B4GALT7: variants seen among roughly 807,000 people sequenced by gnomAD.
The protein encoded by B4GALT7 is UDP-Gal:beta-GlcNAc beta-1,4-galactosyltransferase 7.
B4GALT7 carries 30 observed loss-of-function variants against 33.0 expected under a neutral mutation model. The observed-to-expected ratio is 0.91, with a 90% CI of 0.68 to 1.23. The LOEUF (loss-of-function observed/expected upper bound fraction) is 1.23. Ranked by LOEUF, B4GALT7 falls within the 50% of genes most tolerant of loss-of-function variation. The pLI is 0.00. For synonymous variants in B4GALT7, 213 were observed against 187.2 expected, an observed-to-expected ratio of 1.14 and a Z score of -1.13; for missense variants, 507 against 450.8, an observed-to-expected ratio of 1.12 and a Z score of -1.13.
chr5:177,605,611 G>A (rs1454426453), intron 2 of B4GALT7, among the ~76,000 whole-genome samples: 2 of 152,132 alleles, frequency 1.3e-5, no homozygotes, highest in South Asian at 4.1e-4. Flanking sequence ...TTCTGTCCGG[G>A]CTGACTCCCA....
Position 177,609,673 on chromosome 5 carries a change from C to T in B4GALT7, c.962C>T (p.Thr321Ile), listed in dbSNP as rs773712777. Residue 321 changes from threonine to isoleucine, a missense_variant, in exon 6 of 6, where the codon ACA (threonine) becomes ATA (isoleucine). Physicochemically the swap from Thr to Ile is moderately conservative, Grantham distance 89 (BLOSUM62 -1). Transcript: ENST00000029410. The stretch of plus-strand genomic sequence containing the variant: ...ATGTTGGACTGTGACAAGACCGCCA[C>T]ACCCTGGTGCACATTCAGCTGAGCT... ...NIMLDCDKTATPWCTFS is the reference protein window; with the variant it reads ...NIMLDCDKTAIPWCTFS 1 of 1,612,510 alleles carries T rather than the reference C, an allele frequency of 6.2e-7. No individual in the cohort carries two copies.
intron 1 of B4GALT7, among the ~76,000 whole-genome samples, chr5:177,601,833 A>T (rs927598872): frequency 1.3e-5 from 2 of 152,008 alleles, no homozygotes; most frequent in Non-Finnish European, 2.9e-5. Flanking sequence ...CTCGGTGTCC[A>T]CTGTCCTGAG....
At chr5:177,607,738 G>A in intron 3 of B4GALT7, 1 of 606,538 alleles carries the variant, frequency 1.6e-6, no homozygotes, top group Non-Finnish European at 2.9e-6. Context: ...AGAAACCTGG[G>A]TGGTTAGTGG....
chr5:177,609,796 G>A lies in B4GALT7; in HGVS notation c.*101G>A. 1.4e-6 allele frequency: 2 copies of A among 1,478,198 alleles called. No homozygotes were observed. The highest frequency in any genetic ancestry group is 9.2e-7 in the Non-Finnish European group (1 of 1,087,800). The allele number at this position is 1,478,198 out of a possible 1,614,324, so 91.6% of individuals were successfully genotyped here. On this transcript the variant is annotated 3_prime_UTR_variant, in exon 6 of 6. Coordinates refer to ENST00000029410, the MANE Select transcript of B4GALT7 (RefSeq NM_007255.3). The stretch of plus-strand genomic sequence containing the variant: ...CCCAGCTCTGACAGGATGTGGAGTG[G>A]CCAGGACCAAGACAGCAAGCTACGC...
intron 1 of B4GALT7, among the ~76,000 whole-genome samples, chr5:177,601,141 C>T (rs1041871754): frequency 6.6e-6 from 1 of 152,056 alleles, no homozygotes; most frequent in Non-Finnish European, 1.5e-5. Context: ...AATTTAGTGG[C>T]CACAACTTGT....
chr5:177,609,873 G>C lies in B4GALT7; in HGVS notation c.*178G>C, dbSNP rs1013701717. On this transcript the variant is annotated 3_prime_UTR_variant, in exon 6 of 6. Transcript: ENST00000029410. ...AGGCTTGGGCTGGGCCAGGACACGT[G>C]GGGTGCCTGGGACGCTGCTTGCCAT... The C allele has an allele frequency of 1.3e-6, 1 of 748,354 alleles. No homozygotes were observed. Among genetic ancestry groups the C allele is most frequent in the Non-Finnish European group, 2.2e-6 (1 of 453,692 alleles). The allele number at this position is 748,354 out of a possible 1,614,324, so 46.4% of individuals were successfully genotyped here.
At position 177,609,782 on chromosome 5, in the gene B4GALT7, C is replaced by G; in HGVS notation, c.*87C>G. 6.6e-7 allele frequency: 1 copy of G among 1,518,188 alleles called. No homozygotes were observed. Among genetic ancestry groups the G allele is most frequent in the Non-Finnish European group, 8.9e-7 (1 of 1,121,012 alleles). The allele number at this position is 1,518,188 out of a possible 1,614,324, so 94.0% of individuals were successfully genotyped here. A position where few individuals can be genotyped will look rare whatever the true frequency, so the allele number is the denominator to read the frequency against. The stretch of plus-strand genomic sequence containing the variant: ...CCTCAGGTCGTGGGCCCAGCTCTGA[C>G]AGGATGTGGAGTGGCCAGGACCAAG... On this transcript the variant is annotated 3_prime_UTR_variant, in exon 6 of 6. Transcript: ENST00000029410.
intron 1 of B4GALT7, chr5:177,602,928 G>C: frequency 2.5e-6 from 2 of 802,514 alleles, no homozygotes; most frequent in Non-Finnish European, 3.0e-6. Flanking sequence ...TGTTGCCCAG[G>C]CTGGAGTGCA....
Position 177,608,428 on chromosome 5 carries a change from C to A in B4GALT7, c.640-111C>A. 2.1e-6 allele frequency: 2 copies of A among 964,964 alleles called. No individual in the cohort carries two copies. The highest frequency in any genetic ancestry group is 3.3e-6 in the Non-Finnish European group (2 of 608,280). 59.8% of individuals were successfully genotyped at this position (964,964 alleles called of 1,614,324 possible). On this transcript the variant is annotated intron_variant, in intron 3 of 5. Coordinates refer to ENST00000029410, the MANE Select transcript of B4GALT7 (RefSeq NM_007255.3). The surrounding 1 kb of genome is among the most constrained non-coding windows in gnomAD (Gnocchi z 4.1). ...AGAAGTGCAGGAGCCTGCAAGCACC[C>A]GGGGCTTATTCAGAGGCGCTGGGGG...
chr5:177,607,696 C>T (rs781433019), intron 3 of B4GALT7, 169 bp downstream of exon 3: 38 of 679,286 alleles, frequency 5.6e-5, no homozygotes, highest in Admixed American at 1.0e-4. Context: ...GCCAGTCAGC[C>T]GCAGCAGCAG....
intron 5 of B4GALT7, 55 bp from the exon 6 acceptor site, chr5:177,609,485 G>T: frequency 6.2e-7 from 1 of 1,606,076 alleles, no homozygotes; most frequent in Non-Finnish European, 8.5e-7. Context: ...GGGTCAGTGG[G>T]TAGCTGGCAC....
At position 177,608,562 on chromosome 5, in the gene B4GALT7, C is replaced by T. The variant is rs748152368; in HGVS notation, c.663C>T (p.Phe221=). 1.2e-6 allele frequency: 2 copies of T among 1,613,894 alleles called. No individual in the cohort carries two copies. Among genetic ancestry groups the T allele is most frequent in the Admixed American group, 1.7e-5 (1 of 60,026 alleles). Reference sequence around the variant, plus strand: ...AGTGCAATGGGATGTCCAACCGCTTCTGGGGCTGGGGCCGCGAGGACGACG... The same window carrying T: ...AGTGCAATGGGATGTCCAACCGCTTTTGGGGCTGGGGCCGCGAGGACGACG... ...YRLCNGMSNR[F]WGWGREDDEF... Residue 221 remains phenylalanine, a synonymous_variant, in exon 4 of 6, where the codon TTC becomes TTT. Coordinates refer to ENST00000029410, the MANE Select transcript of B4GALT7 (RefSeq NM_007255.3). The surrounding 1 kb of genome is among the most constrained non-coding windows in gnomAD (Gnocchi z 4.1).
Position 177,603,995 on chromosome 5 carries a change from G to A in B4GALT7, c.51-184G>A, listed in dbSNP as rs373688707. The A allele has an allele frequency of 1.6e-4, 142 of 889,896 alleles. No homozygotes were observed. In the East Asian group the frequency reaches 2.2e-3, roughly 14 times the overall value. 55.1% of individuals were successfully genotyped at this position (889,896 alleles called of 1,614,324 possible). On this transcript the variant is annotated intron_variant, in intron 1 of 5. Transcript: ENST00000029410. The stretch of plus-strand genomic sequence containing the variant: ...GGTGGCATGGGTTGGGTCTAGAGAG[G>A]CAAGCAGGATTCGGATGCATGGTAG...
chr5:177,604,551 G>A lies in B4GALT7; in HGVS notation c.413+10G>A. The A allele has an allele frequency of 1.9e-6, 3 of 1,613,482 alleles. No homozygotes were observed. Among genetic ancestry groups the A allele is most frequent in the South Asian group, 1.1e-5 (1 of 91,074 alleles). On this transcript the variant is annotated intron_variant, in intron 2 of 5. Coordinates refer to ENST00000029410, the MANE Select transcript of B4GALT7 (RefSeq NM_007255.3). The stretch of plus-strand genomic sequence containing the variant: ...AGGTGGACCACTTCAGGTAGCGCCC[G>A]CCCCCACCCTCTCCCCTCGGCACCC...
chr5:177,607,789 T>G, intron 3 of B4GALT7: 7 of 537,690 alleles, frequency 1.3e-5, no homozygotes, highest in Non-Finnish European at 2.4e-5. Flanking sequence ...CAGGTGTACC[T>G]TGCCCACCTC....
Position 177,608,991 on chromosome 5 carries a change from A to T in B4GALT7, c.805A>T (p.Lys269Ter). The change falls in exon 5 of 6, where the codon AAG (lysine) becomes TAG (stop). Residue 269 changes from lysine (K) to a stop codon, truncating the protein, a stop_gained. Coordinates refer to ENST00000029410, the MANE Select transcript of B4GALT7 (RefSeq NM_007255.3). LOFTEE classifies it high-confidence loss of function. The surrounding 1 kb of genome is among the most constrained non-coding windows in gnomAD (Gnocchi z 4.1). ...HDPAWRKRDQ[K>*]RIAAQKQEQF... is the part of the protein sequence containing the mutation. ...CCCAGCCTGGCGGAAGAGGGACCAGAAGCGCATCGCAGCTCAAAAACAGGT... is the reference window on the plus strand; with the variant it reads ...CCCAGCCTGGCGGAAGAGGGACCAGTAGCGCATCGCAGCTCAAAAACAGGT... 6.2e-7 allele frequency: 1 copy of T among 1,612,606 alleles called. No homozygotes were observed. The highest frequency in any genetic ancestry group is 8.5e-7 in the Non-Finnish European group (1 of 1,179,972).
chr5:177,600,576 C>G lies in B4GALT7; in HGVS notation c.50+316C>G, dbSNP rs959237836. Among the ~76,000 whole-genome samples, 18 of 152,050 alleles carry G rather than the reference C, an allele frequency of 1.2e-4. No individual in the cohort carries two copies. Among genetic ancestry groups the G allele is most frequent in the South Asian group, 6.2e-4 (3 of 4,812 alleles). Reference sequence around the variant, plus strand: ...TGATCCCCTCTTTGCTAGTCTCTCTCGTTATGTGTTTCGTTGTGTCTGTGT... The same window carrying G: ...TGATCCCCTCTTTGCTAGTCTCTCTGGTTATGTGTTTCGTTGTGTCTGTGT... On this transcript the variant is annotated intron_variant, in intron 1 of 5. Coordinates refer to ENST00000029410, the MANE Select transcript of B4GALT7 (RefSeq NM_007255.3). The surrounding 1 kb of genome is among the most constrained non-coding windows in gnomAD (Gnocchi z 4.4).
Position 177,604,283 on chromosome 5 carries a change from G to T in B4GALT7, c.155G>T (p.Ser52Ile). The change falls in exon 2 of 6, where the codon AGC becomes ATC. Residue 52 changes from serine to isoleucine, a missense_variant. Coordinates refer to ENST00000029410, the MANE Select transcript of B4GALT7 (RefSeq NM_007255.3). ...TTCTCCCTACTCTGGCTGCAGCTCA[G>T]CTGCTCTGGGGACGTGGCCCGGGCA... ...GFFSLLWLQL[S>I]CSGDVARAVR... The T allele has an allele frequency of 6.2e-7, 1 of 1,612,834 alleles. No individual in the cohort carries two copies.
At chr5:177,601,576 C>T (rs1767852829) in intron 1 of B4GALT7, 1 of 152,238 alleles carries the variant, frequency 6.6e-6, no homozygotes, top group Admixed American at 6.5e-5. Context: ...GATGTCAATT[C>T]TGTGCTTTTG....
Sources: allele counts gnomAD v4.1 joint callset (sites outside exome capture counted in the v4.1 genomes callset), GRCh38; gene constraint gnomAD v4.1.1; non-coding constraint Gnocchi (gnomAD v3.1); transcripts MANE v1.5; gene names NCBI Gene and HGNC (gene_info 2026-07-23, HGNC 2026-07-21).